The following RYK variants were observed in gnomAD, a reference collection of about 807,000 sequenced individuals.
RYK encodes the protein inactive tyrosine-protein kinase RYK.
Under a neutral mutation model 70.2 loss-of-function variants are expected in RYK, and 21 were observed. That is an observed-to-expected ratio of 0.30 (90% CI 0.21 to 0.43). RYK has a LOEUF of 0.43. RYK is among the 20% of genes least tolerant of loss of function. The pLI, the probability that RYK is intolerant of heterozygous loss-of-function variation, is 1.00. For missense variants in RYK, 604 were observed against 753.3 expected, an observed-to-expected ratio of 0.80 and a Z score of 2.32; for synonymous variants, 267 against 278.0, an observed-to-expected ratio of 0.96 and a Z score of 0.39.
chr3:134,225,232 C>T (rs913987926), intron 1 of RYK, among the ~76,000 whole-genome samples: 1 of 152,100 alleles, frequency 6.6e-6, no homozygotes, highest in Non-Finnish European at 1.5e-5. Context: ...TTTAAATTTG[C>T]CTTTTTTCTT....
At chr3:134,228,037 C>A (rs1345984009) in intron 1 of RYK, among the ~76,000 whole-genome samples, 1 of 152,040 alleles carries the variant, frequency 6.6e-6, no homozygotes, top group Non-Finnish European at 1.5e-5. Context: ...TGCCAATAAT[C>A]CCAGTGTGTG....
intron 9 of RYK, among the ~76,000 whole-genome samples, chr3:134,185,435 G>C (rs2013430305): frequency 6.6e-6 from 1 of 152,158 alleles, no homozygotes; most frequent in Non-Finnish European, 1.5e-5. Context: ...TTGCTACTAA[G>C]TGTCCCCTTT....
chr3:134,200,019 C>T (rs963702884), intron 6 of RYK, among the ~76,000 whole-genome samples: 47 of 65,206 alleles, frequency 7.2e-4, no homozygotes, highest in Non-Finnish European at 1.5e-3. Flanking sequence ...CTCTGTAAAA[C>T]GGACCAATCA....
chr3:134,175,913 A>G lies in RYK; in HGVS notation c.1415+17T>C. ...GCACTCTACATCAAGTGACAGCGTC[A>G]AGCTCATGGCACCTACACACAGTTC... On this transcript the variant is annotated intron_variant, in intron 12 of 14. Coordinates refer to ENST00000623711, the MANE Select transcript of RYK (RefSeq NM_002958.4). 6.3e-7 allele frequency: 1 copy of G among 1,582,314 alleles called. No individual in the cohort carries two copies. Among genetic ancestry groups the G allele is most frequent in the Non-Finnish European group, 8.7e-7 (1 of 1,154,772 alleles).
intron 1 of RYK, among the ~76,000 whole-genome samples, chr3:134,223,784 TGAG>T (rs934204658): frequency 1.2e-4 from 18 of 152,260 alleles, no homozygotes; most frequent in African/African-American, 3.9e-4. Flanking sequence ...GGAAAGATAC[TGAG>T]GAGAACAGCC....
chr3:134,216,662 G>T (rs752780950), intron 2 of RYK, among the ~76,000 whole-genome samples: 67 of 151,552 alleles, frequency 4.4e-4, no homozygotes, highest in South Asian at 2.1e-3. Flanking sequence ...GCATGGTAGC[G>T]GGCGCCTGTT....
intron 1 of RYK, among the ~76,000 whole-genome samples, chr3:134,241,865 C>G (rs1283578025): frequency 6.6e-6 from 1 of 152,090 alleles, no homozygotes; most frequent in Non-Finnish European, 1.5e-5. Flanking sequence ...TCAATGCCAC[C>G]GACTTCCTAT....
chr3:134,187,029 G>A (rs908110448), intron 9 of RYK, among the ~76,000 whole-genome samples: 9 of 152,158 alleles, frequency 5.9e-5, no homozygotes, highest in South Asian at 2.1e-4. Flanking sequence ...GGTCTTAGCC[G>A]AAAGGATGGA....
intron 6 of RYK, among the ~76,000 whole-genome samples, chr3:134,201,502 A>C (rs1316875409): frequency 6.6e-6 from 1 of 152,212 alleles, no homozygotes; most frequent in Non-Finnish European, 1.5e-5. Context: ...TATAGAAGAA[A>C]AAGTGCAATA....
intron 1 of RYK, among the ~76,000 whole-genome samples, chr3:134,245,922 A>G (rs2015453604): frequency 6.6e-6 from 1 of 152,202 alleles, no homozygotes; most frequent in African/African-American, 2.4e-5. Context: ...TCAGCTCCTC[A>G]GGATCTTTTT....
intron 1 of RYK, among the ~76,000 whole-genome samples, chr3:134,240,275 G>A (rs1436565041): frequency 6.6e-6 from 1 of 152,188 alleles, no homozygotes; most frequent in Non-Finnish European, 1.5e-5. Context: ...GGGCAAATGA[G>A]TGGAGTAGGG....
intron 2 of RYK, among the ~76,000 whole-genome samples, chr3:134,221,998 A>G (rs1467275325): frequency 6.6e-6 from 1 of 152,104 alleles, no homozygotes; most frequent in Non-Finnish European, 1.5e-5. Flanking sequence ...CCTTTCTTAC[A>G]CCGTTTCTCC....
intron 1 of RYK, among the ~76,000 whole-genome samples, chr3:134,245,423 G>A (rs549818546): frequency 2.6e-5 from 4 of 151,862 alleles, no homozygotes; most frequent in South Asian, 4.2e-4. Context: ...AAACAGAAAA[G>A]GAAAGACAAC....
chr3:134,242,592 G>A (rs1458239898), intron 1 of RYK, among the ~76,000 whole-genome samples: 1 of 152,144 alleles, frequency 6.6e-6, no homozygotes, highest in African/African-American at 2.4e-5. Flanking sequence ...ACAAGTTTTT[G>A]TTTTGCTTTA....
At chr3:134,189,018 C>T (rs2013560631) in intron 8 of RYK, 95 bp from the exon 9 acceptor site, 1 of 721,064 alleles carries the variant, frequency 1.4e-6, no homozygotes, top group African/African-American at 1.8e-5. Context: ...ACAAAAATAA[C>T]AAGGTCATAT....
At chr3:134,164,302 A>G (rs2012583138) in intron 13 of RYK, among the ~76,000 whole-genome samples, 1 of 152,194 alleles carries the variant, frequency 6.6e-6, no homozygotes, top group Non-Finnish European at 1.5e-5. Flanking sequence ...AAAGTATTCC[A>G]CTGGATAAGT....
chr3:134,239,091 G>A (rs2015256771), intron 1 of RYK, among the ~76,000 whole-genome samples: 1 of 152,136 alleles, frequency 6.6e-6, no homozygotes. Context: ...TGGAGCTATG[G>A]AAGTCGACAT....
Position 134,188,922 on chromosome 3 carries a change from A to G in RYK, c.1017T>C (p.Gly339=), listed in dbSNP as rs376939795. ...RITLKDVLQE[G]TFGRIFHGIL... The stretch of plus-strand genomic sequence containing the variant: ...TCCCATGGAAAATACGCCCAAAAGT[A>G]CCTAAAAGGAAAAGTAATAATTAAT... The change falls in exon 9 of 15, where the codon GGT becomes GGC. Residue 339 remains glycine, a splice_region_variant and synonymous_variant. Coordinates refer to ENST00000623711, the MANE Select transcript of RYK (RefSeq NM_002958.4). 8 of 1,512,998 alleles carry G rather than the reference A, an allele frequency of 5.3e-6. No individual in the cohort carries two copies. Among genetic ancestry groups the G allele is most frequent in the Non-Finnish European group, 7.3e-6 (8 of 1,100,168 alleles). The allele number at this position is 1,512,998 out of a possible 1,614,324, so 93.7% of individuals were successfully genotyped here. A position where few individuals can be genotyped will look rare whatever the true frequency, so the allele number is the denominator to read the frequency against.
intron 1 of RYK, among the ~76,000 whole-genome samples, 161 bp from the exon 2 acceptor site, chr3:134,222,700 G>A (rs1399404421): frequency 6.6e-6 from 1 of 152,012 alleles, no homozygotes; most frequent in Admixed American, 6.5e-5. Context: ...AAAAGACACG[G>A]GGTTTTATCA....
Sources: allele counts gnomAD v4.1 joint callset (sites outside exome capture counted in the v4.1 genomes callset), GRCh38; gene constraint gnomAD v4.1.1; transcripts MANE v1.5; gene names NCBI Gene and HGNC (gene_info 2026-07-23, HGNC 2026-07-21).